AGPAT3: variants seen among roughly 807,000 people sequenced by gnomAD.
AGPAT3 encodes 1-acylglycerol-3-phosphate O-acyltransferase 3.
Under a neutral mutation model 47.3 loss-of-function variants are expected in AGPAT3, and 5 were observed. The ratio of observed to expected loss-of-function variants is 0.11; its 90% CI spans 0.06 to 0.22. The LOEUF is 0.22. AGPAT3 is among the 10% of genes least tolerant of loss of function. AGPAT3 has a pLI of 1.00. For missense variants in AGPAT3, 315 were observed against 493.0 expected (o/e 0.64, Z 3.42); for synonymous variants, 212 against 208.3 (o/e 1.02, Z -0.15).
In AGPAT3 at chr21:43,939,257, G is replaced by A. The variant is rs1348389360; in HGVS notation, c.-48-20377G>A. On this transcript the variant is annotated intron_variant, in intron 2 of 9. Coordinates refer to ENST00000291572, the MANE Select transcript of AGPAT3 (RefSeq NM_020132.5). This position sits in a 1 kb window ranked among gnomAD's most constrained non-coding sequence, Gnocchi z 4.4. The stretch of plus-strand genomic sequence containing the variant: ...GCTCCCTTAGGAACACCCCATCCCC[G>A]TCCCCGTGTGCTGTCGAGGGCCTCT... 6.6e-6 allele frequency among the ~76,000 whole-genome samples: 1 copy of A among 151,996 alleles called. No individual in the cohort carries two copies. Among genetic ancestry groups the A allele is most frequent in the East Asian group, 1.9e-4 (1 of 5,180 alleles).
intron 1 of AGPAT3, chr21:43,867,856 T>C (rs1025821678): frequency 2.8e-4 from 43 of 152,184 alleles, no homozygotes; most frequent in African/African-American, 1.0e-3. Context: ...AGAAATTTCA[T>C]GGGAATTTAC....
intron 1 of AGPAT3, among the ~76,000 whole-genome samples, chr21:43,898,616 T>C (rs1267457818): frequency 6.6e-6 from 1 of 152,160 alleles, no homozygotes; most frequent in East Asian, 1.9e-4. Flanking sequence ...AGCCTCCGCC[T>C]CCTAGGTTCA....
At chr21:43,921,954 G>T (rs911330016) in intron 2 of AGPAT3, among the ~76,000 whole-genome samples, 5 of 152,110 alleles carry the variant, frequency 3.3e-5, no homozygotes, top group African/African-American at 1.2e-4. Context: ...GCTCCCCGGG[G>T]GTCACCATCA....
chr21:43,938,926 G>A (rs577281163), intron 2 of AGPAT3, among the ~76,000 whole-genome samples: 1 of 152,146 alleles, frequency 6.6e-6, no homozygotes, highest in Non-Finnish European at 1.5e-5. Flanking sequence ...GGAAGGCTGC[G>A]GCTGCCCCAT....
rs373466569 is a variant in AGPAT3, at chr21:43,897,309, G to T, written c.-111-6648G>T. 4.7e-4 allele frequency among the ~76,000 whole-genome samples: 71 copies of T among 152,224 alleles called. 1 individual carries two copies. The highest frequency in any genetic ancestry group is 5.8e-4 in the East Asian group (3 of 5,192). On this transcript the variant is annotated intron_variant, in intron 1 of 9. Coordinates refer to ENST00000291572, the MANE Select transcript of AGPAT3 (RefSeq NM_020132.5). ...AGATTAACAGCATCCCAAGGCAGAA[G>T]AATTTTTCTTAGTACAGAACAAAAT...
rs1440919382 is a variant in AGPAT3 at position 43,985,032 on chromosome 21, C to T, written c.*2640C>T. ...TGTAGCTCCTGTTACCCACCCAGAG[C>T]CAGGCGCCACACTGGAGGCTCCCAG... is the stretch of plus-strand genomic sequence containing the variant. On this transcript the variant is annotated 3_prime_UTR_variant, in exon 10 of 10. Coordinates refer to ENST00000291572, the MANE Select transcript of AGPAT3 (RefSeq NM_020132.5). 1.3e-5 allele frequency: 6 copies of T among 444,628 alleles called. No homozygotes were observed. The highest frequency in any genetic ancestry group is 4.0e-5 in the African/African-American group (2 of 49,532). 27.5% of individuals were successfully genotyped at this position (444,628 alleles called of 1,614,324 possible).
rs972683938 is a variant in AGPAT3 at position 43,985,228 on chromosome 21, C to G, written c.*2836C>G. On this transcript the variant is annotated 3_prime_UTR_variant, in exon 10 of 10. Transcript: ENST00000291572. ...CATTGCTGTCTTCATCGTCTTCCCC[C>G]GTGTGAGACACTGGTTGTCTGGTAC... 1 of 456,280 alleles carries G rather than the reference C, an allele frequency of 2.2e-6. No homozygotes were observed. Among genetic ancestry groups the G allele is most frequent in the Non-Finnish European group, 4.4e-6 (1 of 226,966 alleles). 28.3% of individuals were successfully genotyped at this position (456,280 alleles called of 1,614,324 possible). A position where few individuals can be genotyped will look rare whatever the true frequency, so the allele number is the denominator to read the frequency against.
intron 1 of AGPAT3, 160 bp from the exon 2 acceptor site, chr21:43,903,797 T>C (rs183302014): frequency 1.3e-5 from 2 of 152,410 alleles, no homozygotes; most frequent in African/African-American, 4.8e-5. Context: ...GATGTTTAAG[T>C]GACGGAGTGT....
chr21:43,966,575 G>A (rs1471355074), intron 3 of AGPAT3: 2 of 152,260 alleles, frequency 1.3e-5, no homozygotes, highest in African/African-American at 4.8e-5. Flanking sequence ...GCATGTGCCT[G>A]CAGCATCATG....
Position 43,920,032 on chromosome 21 carries a change from C to T in AGPAT3, c.-49+16013C>T, listed in dbSNP as rs1391169694. The T allele has an allele frequency of 6.6e-6, 1 of 152,128 alleles. No homozygotes were observed. The highest frequency in any genetic ancestry group is 1.5e-5 in the Non-Finnish European group (1 of 68,040). The allele number at this position is 152,128 out of a possible 1,614,324, so 9.4% of individuals were successfully genotyped here. A position where few individuals can be genotyped will look rare whatever the true frequency, so the allele number is the denominator to read the frequency against. On this transcript the variant is annotated intron_variant, in intron 2 of 9. Coordinates refer to ENST00000291572, the MANE Select transcript of AGPAT3 (RefSeq NM_020132.5). The surrounding 1 kb of genome is among the most constrained non-coding windows in gnomAD (Gnocchi z 6.1). The stretch of plus-strand genomic sequence containing the variant: ...CGTCTGCATCTCCATGCTTGGAGTC[C>T]GCGGGGGGTCTCCAGACAGGATCCT...
At chr21:43,907,483 C>T (rs1182457592) in intron 2 of AGPAT3, among the ~76,000 whole-genome samples, 1 of 152,102 alleles carries the variant, frequency 6.6e-6, no homozygotes, top group East Asian at 1.9e-4. Context: ...TTTGGGAGGC[C>T]GAGGCAGGCG....
At chr21:43,974,768 G>T (rs2089541959) in intron 7 of AGPAT3, among the ~76,000 whole-genome samples, 1 of 152,060 alleles carries the variant, frequency 6.6e-6, no homozygotes, top group Admixed American at 6.6e-5. Context: ...TGTGTGTCAG[G>T]GACCACAGCC....
chr21:43,882,334 T>C (rs533814935), intron 1 of AGPAT3, among the ~76,000 whole-genome samples: 12 of 152,402 alleles, frequency 7.9e-5, no homozygotes, highest in African/African-American at 2.4e-4. Flanking sequence ...TTTCGTAGAT[T>C]GCACTCAGGA....
intron 8 of AGPAT3, among the ~76,000 whole-genome samples, chr21:43,978,720 A>G (rs1004451807): frequency 1.3e-5 from 2 of 152,208 alleles, no homozygotes; most frequent in South Asian, 2.1e-4. Flanking sequence ...TCATTTTCTT[A>G]AAAGACATTA....
chr21:43,953,528 G>C (rs1444887552), intron 2 of AGPAT3, among the ~76,000 whole-genome samples: 1 of 152,128 alleles, frequency 6.6e-6, no homozygotes, highest in African/African-American at 2.4e-5. Context: ...ATTAGTTTAG[G>C]GTGATCAATA....
At position 43,982,127 on chromosome 21, in the gene AGPAT3, C is replaced by A. The variant is rs974332027; in HGVS notation, c.1043-177C>A. On this transcript the variant is annotated intron_variant, in intron 9 of 9. Coordinates refer to ENST00000291572, the MANE Select transcript of AGPAT3 (RefSeq NM_020132.5). The surrounding 1 kb of genome is among the most constrained non-coding windows in gnomAD (Gnocchi z 6.2). ...CCCTCACCCCTGCCTGAGCAGACCA[C>A]GGTCTGAGAGGGCTGTCTCCCCGCG... Among the ~76,000 whole-genome samples the A allele has an allele frequency of 6.6e-6, 1 of 152,206 alleles. No individual in the cohort carries two copies. The highest frequency in any genetic ancestry group is 2.4e-5 in the African/African-American group (1 of 41,450).
chr21:43,957,492 G>A (rs1338984864), intron 2 of AGPAT3, among the ~76,000 whole-genome samples: 1 of 150,804 alleles, frequency 6.6e-6, no homozygotes, highest in African/African-American at 2.5e-5. Flanking sequence ...GGGGTCTCGG[G>A]TTTCCCCTCC....
chr21:43,887,045 A>G (rs1348156429), intron 1 of AGPAT3, among the ~76,000 whole-genome samples: 1 of 152,150 alleles, frequency 6.6e-6, no homozygotes, highest in East Asian at 1.9e-4. Context: ...GGTTGTACTA[A>G]CTCACATTCC....
Position 43,920,218 on chromosome 21 carries a change from T to TGAGA in AGPAT3, c.-49+16200_-49+16201insAGAG, listed in dbSNP as rs371038168. Among the ~76,000 whole-genome samples, 4 of 151,104 alleles carry TGAGA rather than the reference T, an allele frequency of 2.6e-5. No individual in the cohort carries two copies. Among genetic ancestry groups the TGAGA allele is most frequent in the Admixed American group, 1.3e-4 (2 of 15,216 alleles). The stretch of plus-strand genomic sequence containing the variant: ...TCATGTCTTCAGCCCTGTGTGTGTG[T>TGAGA]GTGTGAGAGATTGTGAGTGAGTGTG... On this transcript the variant is annotated intron_variant, in intron 2 of 9. Coordinates refer to ENST00000291572, the MANE Select transcript of AGPAT3 (RefSeq NM_020132.5). This position sits in a 1 kb window ranked among gnomAD's most constrained non-coding sequence, Gnocchi z 6.1.
Sources: allele counts gnomAD v4.1 joint callset (sites outside exome capture counted in the v4.1 genomes callset), GRCh38; gene constraint gnomAD v4.1.1; non-coding constraint Gnocchi (gnomAD v3.1); transcripts MANE v1.5; gene names NCBI Gene and HGNC (gene_info 2026-07-23, HGNC 2026-07-21).